LRMDA: variants seen among roughly 807,000 people sequenced by gnomAD.
The protein encoded by LRMDA is leucine rich melanocyte differentiation associated.
In LRMDA, 18 loss-of-function variants were observed where a neutral mutation model predicts 29.8. That is an observed-to-expected ratio of 0.60 (90% CI 0.42 to 0.90). The LOEUF is 0.90. Ranked by LOEUF, LRMDA falls within the 40% of genes least tolerant of loss-of-function variation. LRMDA has a pLI of 0.00. For missense variants in LRMDA, 273 were observed against 273.9 expected (o/e 1.00, Z 0.02); for synonymous variants, 125 against 109.4 (o/e 1.14, Z -0.89).
chr10:75,957,531 A>G (rs1337106260), intron 2 of LRMDA, among the ~76,000 whole-genome samples: 1 of 152,214 alleles, frequency 6.6e-6, no homozygotes, highest in Non-Finnish European at 1.5e-5. Context: ...ATTGTCACCA[A>G]CGGGCCTATG....
intron 2 of LRMDA, among the ~76,000 whole-genome samples, chr10:75,714,947 G>A (rs979314671): frequency 3.4e-5 from 5 of 146,424 alleles, no homozygotes; most frequent in Non-Finnish European, 7.4e-5. Flanking sequence ...CTTCTCACAC[G>A]TAGAGCCATG....
intron 4 of LRMDA, among the ~76,000 whole-genome samples, chr10:76,055,464 T>G (rs1898067): frequency 0.49 from 74,245 of 151,966 alleles, 18,400 homozygotes; most frequent in African/African-American, 0.52. Flanking sequence ...AATCCTTGGG[T>G]TGTTACTTCC....
chr10:75,984,805 G>T (rs982567259), intron 2 of LRMDA, among the ~76,000 whole-genome samples: 1 of 152,204 alleles, frequency 6.6e-6, no homozygotes, highest in Non-Finnish European at 1.5e-5. Flanking sequence ...CAAACCCCCA[G>T]TCTGAGAGAA....
intron 6 of LRMDA, among the ~76,000 whole-genome samples, chr10:76,477,705 T>C (rs985909117): frequency 3.3e-5 from 5 of 151,950 alleles, no homozygotes; most frequent in Admixed American, 2.0e-4. Flanking sequence ...AAAGCAGAGA[T>C]ATAGACCAAT....
Position 75,874,970 on chromosome 10 carries a change from G to T in LRMDA, c.132-161038G>T, listed in dbSNP as rs189504231. On this transcript the variant is annotated intron_variant, in intron 2 of 6. Transcript: ENST00000611255. The stretch of plus-strand genomic sequence containing the variant: ...CATCTGTGTGTGCACATGCAGATAG[G>T]CAGGGAATATAATCATGAGCAATTA... Among the ~76,000 whole-genome samples the T allele has an allele frequency of 5.6e-4, 86 of 152,300 alleles. No homozygotes were observed. The Middle Eastern group carries it at 0.01, about 18-fold the overall frequency.
At chr10:76,018,928 A>G (rs1847925687) in intron 2 of LRMDA, among the ~76,000 whole-genome samples, 1 of 152,150 alleles carries the variant, frequency 6.6e-6, no homozygotes, top group Admixed American at 6.5e-5. Context: ...AATCTTACAG[A>G]TTTTAAATGT....
chr10:76,194,511 C>T (rs1851300934), intron 5 of LRMDA, among the ~76,000 whole-genome samples: 1 of 152,202 alleles, frequency 6.6e-6, no homozygotes, highest in African/African-American at 2.4e-5. Flanking sequence ...CATAGGCTCA[C>T]ATGTCCAGGC....
chr10:75,929,759 T>A (rs1053283000), intron 2 of LRMDA, among the ~76,000 whole-genome samples: 2 of 152,186 alleles, frequency 1.3e-5, no homozygotes, highest in African/African-American at 2.4e-5. Context: ...AGGGTTACAA[T>A]GACATAGCAT....
chr10:75,476,463 G>A (rs1017031387), intron 2 of LRMDA, among the ~76,000 whole-genome samples: 7 of 151,942 alleles, frequency 4.6e-5, no homozygotes, highest in African/African-American at 1.5e-4. Flanking sequence ...TCCTCCTGAC[G>A]CCCTAGGTTC....
At chr10:76,364,974 A>G (rs1472898123) in intron 6 of LRMDA, among the ~76,000 whole-genome samples, 2 of 151,114 alleles carry the variant, frequency 1.3e-5, no homozygotes, top group African/African-American at 2.4e-5. Flanking sequence ...CCTGAGTTAC[A>G]TCACTTAGAA....
chr10:76,155,194 T>A (rs1035170218), intron 5 of LRMDA, among the ~76,000 whole-genome samples: 1 of 152,132 alleles, frequency 6.6e-6, no homozygotes, highest in Admixed American at 6.6e-5. Context: ...ATATTACCCT[T>A]AAGATCACCA....
intron 2 of LRMDA, among the ~76,000 whole-genome samples, chr10:75,900,515 C>A (rs1845652388): frequency 6.6e-6 from 1 of 152,160 alleles, no homozygotes; most frequent in Admixed American, 6.5e-5. Flanking sequence ...ATGGAGGAAA[C>A]CCCTTTGAGA....
chr10:75,796,648 C>T (rs1046361192), intron 2 of LRMDA, among the ~76,000 whole-genome samples: 2 of 152,232 alleles, frequency 1.3e-5, no homozygotes, highest in African/African-American at 4.8e-5. Flanking sequence ...ACTCGGCTCA[C>T]TGCAACCTCT....
At chr10:76,412,382 A>G (rs1841971585) in intron 6 of LRMDA, among the ~76,000 whole-genome samples, 1 of 152,212 alleles carries the variant, frequency 6.6e-6, no homozygotes, top group Admixed American at 6.5e-5. Context: ...TTCAGAAAGG[A>G]AGGCACACAA....
At chr10:76,016,488 C>T (rs1171660188) in intron 2 of LRMDA, among the ~76,000 whole-genome samples, 1 of 152,022 alleles carries the variant, frequency 6.6e-6, no homozygotes, top group Non-Finnish European at 1.5e-5. Context: ...GGACTAGATT[C>T]TTGAAATACT....
intron 4 of LRMDA, among the ~76,000 whole-genome samples, chr10:76,058,377 A>T (rs940997933): frequency 1.3e-5 from 2 of 152,208 alleles, no homozygotes; most frequent in African/African-American, 4.8e-5. Context: ...GCATGCGTTG[A>T]TAGGGTGCCA....
chr10:75,615,535 T>C (rs770528248), intron 2 of LRMDA, among the ~76,000 whole-genome samples: 7 of 152,204 alleles, frequency 4.6e-5, no homozygotes, highest in Non-Finnish European at 7.3e-5. Flanking sequence ...AAAGTCTGTA[T>C]GACAGCTGCA....
chr10:76,095,909 C>A (rs1353507083), intron 5 of LRMDA, among the ~76,000 whole-genome samples: 2 of 150,700 alleles, frequency 1.3e-5, no homozygotes, highest in Non-Finnish European at 2.9e-5. Flanking sequence ...CGTGCCACTG[C>A]ACTCCAGCCT....
At chr10:76,477,866 T>C (rs1842692726) in intron 6 of LRMDA, among the ~76,000 whole-genome samples, 2 of 152,182 alleles carry the variant, frequency 1.3e-5, no homozygotes, top group Admixed American at 1.3e-4. Context: ...AAGCTGAAAC[T>C]GGATCCTTTC....
Sources: allele counts gnomAD v4.1 joint callset (sites outside exome capture counted in the v4.1 genomes callset), GRCh38; gene constraint gnomAD v4.1.1; transcripts MANE v1.5; gene names NCBI Gene and HGNC (gene_info 2026-07-23, HGNC 2026-07-21).